Variants in NDUFAF6 observed in about 807,000 individuals in gnomAD.
NDUFAF6 encodes the protein NADH dehydrogenase (ubiquinone) complex I, assembly factor 6.
NDUFAF6 carries 45 observed loss-of-function variants against 40.8 expected under a neutral mutation model. That is an observed-to-expected ratio of 1.10 (90% CI 0.87 to 1.42). The LOEUF (loss-of-function observed/expected upper bound fraction) is 1.42, where lower values mean the gene tolerates loss of function less well. Among genes scored for constraint, NDUFAF6 ranks in the 40% most tolerant of loss-of-function variants. NDUFAF6 has a pLI of 0.00. For synonymous variants in NDUFAF6, 185 were observed against 155.9 expected (o/e 1.19, Z -1.39); for missense variants, 435 against 418.5 (o/e 1.04, Z -0.34).
intron 2 of NDUFAF6, among the ~76,000 whole-genome samples, chr8:94,992,597 C>T (rs1826244422): frequency 6.6e-6 from 1 of 152,206 alleles, no homozygotes; most frequent in Non-Finnish European, 1.5e-5. Flanking sequence ...TTCTTCCCTT[C>T]AACCAGTCCC....
intron 2 of NDUFAF6, among the ~76,000 whole-genome samples, chr8:94,984,717 A>G (rs2131593158): frequency 6.6e-6 from 1 of 152,364 alleles, no homozygotes; most frequent in East Asian, 1.9e-4. Context: ...TATGTCTAAA[A>G]GCAGATGTGG....
chr8:94,925,549 C>CTTTTTTT (rs1287916481), intron 1 of NDUFAF6, among the ~76,000 whole-genome samples: 2 of 135,434 alleles, frequency 1.5e-5, no homozygotes, highest in East Asian at 2.0e-4. Context: ...AAAAGAAATC[C>CTTTTTTT]TTTTTTTTTT....
chr8:95,089,792 G>A (rs1329200558), intron 2 of NDUFAF6, among the ~76,000 whole-genome samples: 11 of 152,148 alleles, frequency 7.2e-5, no homozygotes. Flanking sequence ...GAGTCAGTGG[G>A]CACAGACTAA....
At chr8:94,984,819 G>A (rs1563769943) in intron 2 of NDUFAF6, among the ~76,000 whole-genome samples, 1 of 152,224 alleles carries the variant, frequency 6.6e-6, no homozygotes, top group South Asian at 2.1e-4. Context: ...TTACATTACA[G>A]TGTTTGTGAT....
intron 1 of NDUFAF6, among the ~76,000 whole-genome samples, chr8:95,026,318 A>AT (rs1828130632): frequency 6.6e-6 from 1 of 152,162 alleles, no homozygotes; most frequent in South Asian, 2.1e-4. Context: ...AAAATAAAAA[A>AT]TTAGTTGGGC....
intron 9 of NDUFAF6, among the ~76,000 whole-genome samples, chr8:95,065,140 C>T (rs1050755770): frequency 1.3e-5 from 2 of 152,138 alleles, no homozygotes; most frequent in African/African-American, 4.8e-5. Flanking sequence ...TTCTGTGAGC[C>T]TAGGTATTAG....
intron 1 of NDUFAF6, among the ~76,000 whole-genome samples, chr8:94,899,026 A>G (rs1431852180): frequency 2.0e-5 from 3 of 152,228 alleles, no homozygotes; most frequent in Non-Finnish European, 4.4e-5. Context: ...AAACTTGCTT[A>G]TCCTTCATGC....
chr8:95,046,240 T>C (rs989808640), intron 5 of NDUFAF6, among the ~76,000 whole-genome samples: 2 of 152,036 alleles, frequency 1.3e-5, no homozygotes, highest in Non-Finnish European at 2.9e-5. Flanking sequence ...TTTGTACTTT[T>C]AGTAGAGACG....
rs779556149 is a variant in NDUFAF6, at chr8:95,057,888, C to T, written c.953C>T (p.Thr318Ile). The T allele has an allele frequency of 6.4e-7, 1 of 1,570,052 alleles. No individual in the cohort carries two copies. Among genetic ancestry groups the T allele is most frequent in the Non-Finnish European group, 8.8e-7 (1 of 1,140,400 alleles). The change falls in exon 9 of 9, where the codon ACA becomes ATA. Residue 318 changes from threonine to isoleucine, a missense_variant. By Grantham distance (89) the Thr-to-Ile change is moderately conservative. Coordinates refer to ENST00000396124, the MANE Select transcript of NDUFAF6 (RefSeq NM_152416.4). ...CACCCATCTTTACAGCAGAAGAATACATTACTTCCATTATATTTGTATATT... is the reference window on the plus strand; with the variant it reads ...CACCCATCTTTACAGCAGAAGAATATATTACTTCCATTATATTTGTATATT... ...IFHPSLQQKN[T>I]LLPLYLYIQS...
At chr8:95,108,650 A>G (rs1430221716) in intron 4 of NDUFAF6, among the ~76,000 whole-genome samples, 1 of 152,180 alleles carries the variant, frequency 6.6e-6, no homozygotes, top group East Asian at 1.9e-4. Flanking sequence ...GGTTGCACAC[A>G]GTGTGAATGT....
At chr8:95,016,413 A>T (rs565627962) in intron 2 of NDUFAF6, among the ~76,000 whole-genome samples, 1 of 152,352 alleles carries the variant, frequency 6.6e-6, no homozygotes, top group South Asian at 2.1e-4. Flanking sequence ...TAAGTGAAGG[A>T]TGGAGACCTG....
intron 1 of NDUFAF6, among the ~76,000 whole-genome samples, chr8:94,921,170 G>T (rs1819475823): frequency 6.6e-6 from 1 of 152,166 alleles, no homozygotes. Flanking sequence ...TGTCACTATG[G>T]CAAGTCATCT....
intron 8 of NDUFAF6, among the ~76,000 whole-genome samples, chr8:95,055,937 T>G (rs781003167): frequency 1.3e-5 from 2 of 152,226 alleles, no homozygotes; most frequent in Non-Finnish European, 2.9e-5. Flanking sequence ...ACTGCCTTCA[T>G]TTTTAGGTAG....
At chr8:95,026,550 GAATTGTAAAAGCCAAAAAA>G (rs1339613666) in intron 1 of NDUFAF6, among the ~76,000 whole-genome samples, 1 of 152,004 alleles carries the variant, frequency 6.6e-6, no homozygotes, top group African/African-American at 2.4e-5. Context: ...CAGGCATTAA[GAATTGTAAAAGCCAAAAAA>G]AATTGTAAAA....
rs368684155 is a variant in NDUFAF6, at chr8:95,057,809, G to T, written c.874G>T (p.Val292Phe). ...GTGATCACTATTCTCTTTTTTCCAG[G>T]TTTCTCTAGAGGACTTTCTAAAGAA... ...VKAFPAFLQT[V>F]SLEDFLKKIQ... The change falls in exon 9 of 9, where the codon GTT (valine) becomes TTT (phenylalanine). Residue 292 changes from valine (V) to phenylalanine (F), a missense_variant and splice_region_variant. Physicochemically the swap from Val to Phe is conservative, Grantham distance 50. Transcript: ENST00000396124. 6.2e-7 allele frequency: 1 copy of T among 1,605,918 alleles called. No homozygotes were observed. The highest frequency in any genetic ancestry group is 8.5e-7 in the Non-Finnish European group (1 of 1,175,878).
intron 3 of NDUFAF6, chr8:95,036,455 C>T (rs1184912984): frequency 7.8e-7 from 1 of 1,289,308 alleles, no homozygotes; most frequent in African/African-American, 1.5e-5. Flanking sequence ...AGCCAGAACC[C>T]CCCAACTGGG....
chr8:94,946,705 A>AG, intron 2 of NDUFAF6, among the ~76,000 whole-genome samples: 1 of 146,824 alleles, frequency 6.8e-6, no homozygotes, highest in Non-Finnish European at 1.5e-5. Context: ...TCAAAAAAAA[A>AG]AAAAAAAAAA....
At chr8:94,937,819 C>T (rs758186935) in intron 1 of NDUFAF6, among the ~76,000 whole-genome samples, 1 of 152,006 alleles carries the variant, frequency 6.6e-6, no homozygotes, top group East Asian at 1.9e-4. Flanking sequence ...GAGCCAACAA[C>T]GAATGCAGCT....
intron 2 of NDUFAF6, among the ~76,000 whole-genome samples, chr8:94,997,327 CACACACACACACACACAGAG>C (rs1826482975): frequency 7.2e-6 from 1 of 139,488 alleles, no homozygotes; most frequent in Non-Finnish European, 1.6e-5. Flanking sequence ...CACACACACA[CACACACACACACACACAGAG>C]AGAGAGAGAG....
Sources: gnomAD v4.1 joint callset for allele counts (sites outside exome capture counted in the v4.1 genomes callset) on GRCh38, gnomAD v4.1.1 for gene constraint, MANE v1.5 for transcripts, NCBI Gene and HGNC (gene_info 2026-07-23, HGNC 2026-07-21) for gene names.